The following ARHGAP20 variants were observed in gnomAD, a reference collection of about 807,000 sequenced individuals.
ARHGAP20 encodes Rho GTPase activating protein 20, also known as rho GTPase-activating protein 20.
Under a neutral mutation model 73.7 loss-of-function variants are expected in ARHGAP20, and 34 were observed. That is an observed-to-expected ratio of 0.46 (90% CI 0.35 to 0.61). The LOEUF (loss-of-function observed/expected upper bound fraction) is 0.61. Among genes scored for constraint, ARHGAP20 ranks in the 20% least tolerant of loss-of-function variants. The pLI, the probability that ARHGAP20 is intolerant of heterozygous loss-of-function variation, is 0.00. For missense variants in ARHGAP20, 1,314 were observed against 1,420.9 expected (o/e 0.92, Z 1.21); for synonymous variants, 523 against 518.2 (o/e 1.01, Z -0.13).
intron 1 of ARHGAP20, among the ~76,000 whole-genome samples, chr11:110,700,477 C>G (rs909951495): frequency 6.6e-6 from 1 of 152,114 alleles, no homozygotes; most frequent in Admixed American, 6.6e-5. Flanking sequence ...TCCCTACATG[C>G]CTGTAGCATT....
intron 2 of ARHGAP20, among the ~76,000 whole-genome samples, chr11:110,640,503 CTCTA>C: frequency 6.6e-6 from 1 of 151,978 alleles, no homozygotes; most frequent in Non-Finnish European, 1.5e-5. Context: ...AACATCAAAA[CTCTA>C]TCTTATTCAG....
intron 11 of ARHGAP20, among the ~76,000 whole-genome samples, chr11:110,587,099 T>C (rs548315570): frequency 1.3e-5 from 2 of 152,326 alleles, no homozygotes; most frequent in African/African-American, 4.8e-5. Context: ...AAACAGGATA[T>C]GACCAAGTAT....
intron 2 of ARHGAP20, among the ~76,000 whole-genome samples, chr11:110,673,981 C>A (rs1027840358): frequency 2.0e-5 from 3 of 151,666 alleles, no homozygotes; most frequent in African/African-American, 7.3e-5. Flanking sequence ...CTCTGTTGCC[C>A]AGGCTTGAGT....
intron 1 of ARHGAP20, among the ~76,000 whole-genome samples, chr11:110,691,214 A>T (rs1315439049): frequency 6.6e-6 from 1 of 152,184 alleles, no homozygotes; most frequent in Non-Finnish European, 1.5e-5. Context: ...TATAAATATA[A>T]GACGGTGGTA....
intron 1 of ARHGAP20, among the ~76,000 whole-genome samples, chr11:110,695,529 TAC>T (rs1950319536): frequency 6.6e-6 from 1 of 151,532 alleles, no homozygotes; most frequent in Non-Finnish European, 1.5e-5. Context: ...AGGATATGAA[TAC>T]AGTCTTCCAA....
At chr11:110,664,852 C>T (rs1280301834) in intron 2 of ARHGAP20, among the ~76,000 whole-genome samples, 1 of 151,700 alleles carries the variant, frequency 6.6e-6, no homozygotes, top group Non-Finnish European at 1.5e-5. Flanking sequence ...CTACAAAACA[C>T]TGTTGAGAGT....
At chr11:110,591,435 A>G (rs1009963134) in intron 10 of ARHGAP20, among the ~76,000 whole-genome samples, 2 of 152,352 alleles carry the variant, frequency 1.3e-5, no homozygotes, top group Middle Eastern at 3.4e-3. Flanking sequence ...TATATGTAGT[A>G]TAGTGCTTGA....
At chr11:110,598,220 G>T (rs1365848178) in intron 9 of ARHGAP20, among the ~76,000 whole-genome samples, 2 of 149,690 alleles carry the variant, frequency 1.3e-5, no homozygotes, top group East Asian at 3.9e-4. Context: ...TGAATACAGG[G>T]TAAACAGAAA....
At chr11:110,665,825 G>A (rs1213819805) in intron 2 of ARHGAP20, among the ~76,000 whole-genome samples, 3 of 152,176 alleles carry the variant, frequency 2.0e-5, no homozygotes, top group African/African-American at 4.8e-5. Flanking sequence ...GGGCTGGGAA[G>A]AATTCATGTA....
At chr11:110,648,490 T>G (rs576392137) in intron 2 of ARHGAP20, among the ~76,000 whole-genome samples, 1 of 148,950 alleles carries the variant, frequency 6.7e-6, no homozygotes, top group African/African-American at 2.4e-5. Flanking sequence ...ATGAATTTTT[T>G]TTTTTTTTTT....
At chr11:110,687,267 A>G (rs557833950) in intron 2 of ARHGAP20, among the ~76,000 whole-genome samples, 3 of 151,618 alleles carry the variant, frequency 2.0e-5, no homozygotes, top group African/African-American at 7.3e-5. Context: ...GGGTCTTGCT[A>G]TGTTGCTCAG....
intron 2 of ARHGAP20, among the ~76,000 whole-genome samples, chr11:110,631,080 T>C (rs1325720797): frequency 6.6e-6 from 1 of 152,204 alleles, no homozygotes; most frequent in Non-Finnish European, 1.5e-5. Flanking sequence ...CATTGAATAA[T>C]TCATTTTATT....
At chr11:110,624,950 A>G (rs536855782) in intron 3 of ARHGAP20, among the ~76,000 whole-genome samples, 1 of 152,130 alleles carries the variant, frequency 6.6e-6, no homozygotes, top group Non-Finnish European at 1.5e-5. Flanking sequence ...TTTATTATTT[A>G]TAACTTGCCA....
chr11:110,701,945 T>C (rs1182218906), intron 1 of ARHGAP20, among the ~76,000 whole-genome samples: 1 of 152,168 alleles, frequency 6.6e-6, no homozygotes, highest in Non-Finnish European at 1.5e-5. Context: ...GATCTATATC[T>C]CTGTTTGGGT....
rs193223923 is a variant in ARHGAP20, at chr11:110,648,888, C to T, written c.189-18096G>A. Among the ~76,000 whole-genome samples the T allele has an allele frequency of 5.7e-4, 86 of 152,068 alleles. 2 individuals are homozygous for T. In the East Asian group the frequency reaches 0.015, roughly 27 times the overall value. On this transcript the variant is annotated intron_variant, in intron 2 of 14. Coordinates refer to ENST00000683387, the MANE Select transcript of ARHGAP20 (RefSeq NM_001384657.1). ...CCAAAATTCAGGTAACTGAGGTTTC[C>T]AAGTAACTTGATTATTTACTTTACT...
At position 110,712,315 on chromosome 11, in the gene ARHGAP20, C is replaced by T. The variant is rs1447869173; in HGVS notation, c.-84G>A. 62 of 1,157,446 alleles carry T rather than the reference C, an allele frequency of 5.4e-5. 1 individual carries two copies. Among genetic ancestry groups the T allele is most frequent in the Non-Finnish European group, 6.3e-5 (57 of 906,092 alleles). The allele number at this position is 1,157,446 out of a possible 1,614,324, so 71.7% of individuals were successfully genotyped here. A position where few individuals can be genotyped will look rare whatever the true frequency, so the allele number is the denominator to read the frequency against. On this transcript the variant is annotated 5_prime_UTR_variant, in exon 1 of 15. Transcript: ENST00000683387. ...GCTGCCGGCCGGAGGGGCGAGGACG[C>T]GCGGGCGGAGGCGCGGCTGCCGTGC...
At chr11:110,648,377 T>C (rs192866232) in intron 2 of ARHGAP20, among the ~76,000 whole-genome samples, 11 of 150,606 alleles carry the variant, frequency 7.3e-5, no homozygotes, top group Admixed American at 4.0e-4. Context: ...GATATATATG[T>C]GTGAATCTGA....
At chr11:110,676,691 C>T (rs1012754358) in intron 2 of ARHGAP20, among the ~76,000 whole-genome samples, 1 of 152,002 alleles carries the variant, frequency 6.6e-6, no homozygotes, top group African/African-American at 2.4e-5. Flanking sequence ...TTTTTTTGTA[C>T]CTCCTTGCAT....
intron 9 of ARHGAP20, among the ~76,000 whole-genome samples, chr11:110,600,804 C>G (rs1226457775): frequency 6.6e-6 from 1 of 151,746 alleles, no homozygotes; most frequent in African/African-American, 2.4e-5. Flanking sequence ...TAGAGCTTTC[C>G]CACTGGGGAT....
Sources: allele counts gnomAD v4.1 joint callset (sites outside exome capture counted in the v4.1 genomes callset), GRCh38; gene constraint gnomAD v4.1.1; transcripts MANE v1.5; gene names NCBI Gene and HGNC (gene_info 2026-07-23, HGNC 2026-07-21).